Variants in SH3BP2 observed in about 807,000 individuals in gnomAD.
SH3BP2 encodes the protein SH3 domain binding protein 2.
A neutral mutation model predicts 56.2 loss-of-function variants in SH3BP2; 38 were observed. The ratio of observed to expected loss-of-function variants is 0.68; its 90% CI spans 0.52 to 0.89. SH3BP2 has a LOEUF of 0.89. Among genes scored for constraint, SH3BP2 ranks in the 40% least tolerant of loss-of-function variants. The pLI, the probability that SH3BP2 is intolerant of heterozygous loss-of-function variation, is 0.00. For missense variants in SH3BP2, 748 were observed against 762.6 expected, an observed-to-expected ratio of 0.98 and a Z score of 0.23; for synonymous variants, 346 against 316.7, an observed-to-expected ratio of 1.09 and a Z score of -0.98.
intron 1 of SH3BP2, among the ~76,000 whole-genome samples, chr4:2,817,348 G>A (rs1724043337): frequency 6.6e-6 from 1 of 152,224 alleles, no homozygotes; most frequent in Admixed American, 6.5e-5. Context: ...CTGGAAGGAG[G>A]TGGGATCCTT....
At chr4:2,823,749 C>G (rs575012276) in intron 3 of SH3BP2, among the ~76,000 whole-genome samples, 1 of 152,246 alleles carries the variant, frequency 6.6e-6, no homozygotes, top group African/African-American at 2.4e-5. Flanking sequence ...AGGGCCCAGC[C>G]CCTCCTGCCT....
intron 1 of SH3BP2, chr4:2,809,898 C>A: frequency 1.2e-6 from 1 of 832,666 alleles, no homozygotes; most frequent in African/African-American, 1.8e-5. Context: ...AGCTCAGGGG[C>A]AGGGGAGCAG....
chr4:2,830,218 T>A, intron 8 of SH3BP2, 71 bp downstream of exon 8: 1 of 1,393,754 alleles, frequency 7.2e-7, no homozygotes, highest in Non-Finnish European at 9.7e-7. Context: ...TGACGGGCAC[T>A]CTGCCCACCT....
At chr4:2,823,168 TC>T (rs1724402610) in intron 3 of SH3BP2, 131 bp downstream of exon 3, 1 of 701,110 alleles carries the variant, frequency 1.4e-6, no homozygotes, top group East Asian at 2.7e-5. Context: ...TTCGTGCCCA[TC>T]CCCTGTCCTC....
intron 1 of SH3BP2, among the ~76,000 whole-genome samples, chr4:2,797,172 G>A (rs1044398938): frequency 1.4e-4 from 21 of 152,198 alleles, no homozygotes; most frequent in African/African-American, 4.8e-4. Context: ...CCTGTCCACT[G>A]TCCTGAGCTA....
Position 2,831,992 on chromosome 4 carries a change from C to T in SH3BP2, c.1406+14C>T. ...CGAAGTGGAAAGGTCAGCACAAAGC[C>T]CTGTGTGTGCTGGGTCCTCCGCCAT... On this transcript the variant is annotated intron_variant, in intron 10 of 12. Transcript: ENST00000503393. This position sits in a 1 kb window ranked among gnomAD's most constrained non-coding sequence, Gnocchi z 4.1. 1 of 1,612,224 alleles carries T rather than the reference C, an allele frequency of 6.2e-7. No individual in the cohort carries two copies. Among genetic ancestry groups the T allele is most frequent in the Non-Finnish European group, 8.5e-7 (1 of 1,179,498 alleles).
chr4:2,809,339 C>T (rs1357602707), intron 1 of SH3BP2, among the ~76,000 whole-genome samples: 2 of 151,644 alleles, frequency 1.3e-5, no homozygotes, highest in Non-Finnish European at 2.9e-5. Context: ...CATTACCCAC[C>T]TTCCCCCAGG....
chr4:2,804,407 C>T (rs936830283), intron 1 of SH3BP2, among the ~76,000 whole-genome samples: 1 of 152,184 alleles, frequency 6.6e-6, no homozygotes, highest in African/African-American at 2.4e-5. Context: ...CAGCATTGAG[C>T]GGGACCCAAA....
At chr4:2,802,758 AT>A (rs1723364405) in intron 1 of SH3BP2, among the ~76,000 whole-genome samples, 1 of 151,758 alleles carries the variant, frequency 6.6e-6, no homozygotes, top group Non-Finnish European at 1.5e-5. Flanking sequence ...CAGCGAATGC[AT>A]TAAGGCAGCA....
chr4:2,805,986 C>T (rs775707087), intron 1 of SH3BP2, among the ~76,000 whole-genome samples: 1 of 152,184 alleles, frequency 6.6e-6, no homozygotes, highest in Admixed American at 6.5e-5. Flanking sequence ...AAAGCACGGC[C>T]GGACGCTGAG....
In SH3BP2 at chr4:2,810,921, G is replaced by C. The variant is rs532641528; in HGVS notation, c.-4-9693G>C. 4.9e-4 allele frequency among the ~76,000 whole-genome samples: 75 copies of C among 152,330 alleles called. No individual in the cohort carries two copies. The highest frequency in any genetic ancestry group is 1.5e-3 in the African/African-American group (63 of 41,580). ...CCACTCTGTCCGTGCCCTCCTCGCT[G>C]CCCTCTGTCTGTCTGCCTGCTGTGG... On this transcript the variant is annotated intron_variant, in intron 1 of 12. Coordinates refer to ENST00000503393, the MANE Select transcript of SH3BP2 (RefSeq NM_001122681.2). This position sits in a 1 kb window ranked among gnomAD's most constrained non-coding sequence, Gnocchi z 4.2.
chr4:2,832,366 A>G lies in SH3BP2; in HGVS notation c.1442A>G (p.Gln481Arg), dbSNP rs1342666030. ...GCTACAAGCCCCCGGGGAGAGCCCC[A>G]GGATGGACTCTACTGCATCCGGAAC... is the stretch of plus-strand genomic sequence containing the variant. ...FKATSPRGEP[Q>R]DGLYCIRNSS... The change falls in exon 11 of 13, where the codon CAG becomes CGG. Residue 481 changes from glutamine to arginine, a missense_variant. Around this residue, in one of 3 missense-constraint regions of SH3BP2, gnomAD observed 635 missense variants for 615.0 expected, o/e 1.03. Transcript: ENST00000503393. 1 of 1,614,120 alleles carries G rather than the reference A, an allele frequency of 6.2e-7. No homozygotes were observed. The highest frequency in any genetic ancestry group is 8.5e-7 in the Non-Finnish European group (1 of 1,179,974).
Position 2,831,010 on chromosome 4 carries a change from G to A in SH3BP2, c.1242-561G>A, listed in dbSNP as rs1268503501. ...AGAGATGCAGATGTTCGGAAGTCAC[G>A]TTTTTCCATGACTGTGGGGATAGCG... is the stretch of plus-strand genomic sequence containing the variant. On this transcript the variant is annotated intron_variant, in intron 8 of 12. Transcript: ENST00000503393. The surrounding 1 kb of genome is among the most constrained non-coding windows in gnomAD (Gnocchi z 4.1). 1.3e-5 allele frequency among the ~76,000 whole-genome samples: 2 copies of A among 152,236 alleles called. No homozygotes were observed. Among genetic ancestry groups the A allele is most frequent in the Admixed American group, 6.5e-5 (1 of 15,288 alleles).
At chr4:2,824,482 G>A in intron 3 of SH3BP2, 131 bp from the exon 4 acceptor site, 1 of 641,882 alleles carries the variant, frequency 1.6e-6, no homozygotes, top group Non-Finnish European at 2.7e-6. Flanking sequence ...TCAGCAGCCA[G>A]GGCCCACCCG....
At chr4:2,812,238 G>T in intron 1 of SH3BP2, 1 of 1,521,928 alleles carries the variant, frequency 6.6e-7, no homozygotes, top group South Asian at 1.2e-5. Context: ...TGCCCAGGGA[G>T]CAGGGAACAG....
intron 1 of SH3BP2, among the ~76,000 whole-genome samples, chr4:2,812,738 C>G (rs1275541215): frequency 6.6e-6 from 1 of 152,026 alleles, no homozygotes; most frequent in Admixed American, 6.5e-5. Flanking sequence ...CCCACCCCCC[C>G]ATCACATGCG....
chr4:2,796,464 A>G lies in SH3BP2; in HGVS notation c.-5+3326A>G, dbSNP rs1453007533. ...GATCGTGCTGGAACTGCTGGCCCCAACGCCCTGAGGTGACTGGCCCTTTCT... is the reference window on the plus strand; with the variant it reads ...GATCGTGCTGGAACTGCTGGCCCCAGCGCCCTGAGGTGACTGGCCCTTTCT... On this transcript the variant is annotated intron_variant, in intron 1 of 12. Coordinates refer to ENST00000503393, the MANE Select transcript of SH3BP2 (RefSeq NM_001122681.2). The G allele has an allele frequency of 6.1e-6, 6 of 985,314 alleles. No homozygotes were observed. The South Asian group carries it at 1.4e-4, about 23-fold the overall frequency. 61.0% of individuals were successfully genotyped at this position (985,314 alleles called of 1,614,324 possible).
rs1372908675 is a variant in SH3BP2, at chr4:2,810,444, G to A, written c.-4-10170G>A. ...AGTGTGGGGCTTTTGGCGGAGCAAGGGCAGGGGCGAGCCTGGCTCCTGCTT... is the reference window on the plus strand; with the variant it reads ...AGTGTGGGGCTTTTGGCGGAGCAAGAGCAGGGGCGAGCCTGGCTCCTGCTT... On this transcript the variant is annotated intron_variant, in intron 1 of 12. Coordinates refer to ENST00000503393, the MANE Select transcript of SH3BP2 (RefSeq NM_001122681.2). The surrounding 1 kb of genome is among the most constrained non-coding windows in gnomAD (Gnocchi z 4.2). Among the ~76,000 whole-genome samples, 1 of 151,732 alleles carries A rather than the reference G, an allele frequency of 6.6e-6. No individual in the cohort carries two copies. The highest frequency in any genetic ancestry group is 2.4e-5 in the African/African-American group (1 of 41,274).
At chr4:2,793,573 TTCGCACCCC>T (rs1439741695) in intron 1 of SH3BP2, among the ~76,000 whole-genome samples, 1 of 151,136 alleles carries the variant, frequency 6.6e-6, no homozygotes, top group Non-Finnish European at 1.5e-5. Context: ...ACGCGTCTGT[TTCGCACCCC>T]TCGCGCCCCT....
Sources: gnomAD v4.1 joint callset for allele counts (sites outside exome capture counted in the v4.1 genomes callset) on GRCh38, gnomAD v4.1.1 for gene constraint, gnomAD v4.1.1 regional missense constraint, Gnocchi (gnomAD v3.1) non-coding constraint, MANE v1.5 for transcripts, NCBI Gene and HGNC (gene_info 2026-07-23, HGNC 2026-07-21) for gene names.